The following SORBS2 variants were observed in gnomAD, a reference collection of about 807,000 sequenced individuals.
SORBS2 encodes sorbin and SH3 domain-containing protein 2.
SORBS2 carries 46 observed loss-of-function variants against 97.7 expected under a neutral mutation model. The observed-to-expected ratio is 0.47, with a 90% CI of 0.37 to 0.60. The LOEUF (loss-of-function observed/expected upper bound fraction) is 0.60. Ranked by LOEUF, SORBS2 falls within the 20% of genes least tolerant of loss-of-function variation. The probability of loss-of-function intolerance (pLI) is 0.00; values close to 1 mark genes in which losing one functional copy is unlikely to be tolerated. For synonymous variants in SORBS2, 476 were observed against 473.4 expected (o/e 1.01, Z -0.07); for missense variants, 1,316 against 1,282.3 (o/e 1.03, Z -0.40).
At chr4:185,692,344 G>A (rs544126470) in intron 2 of SORBS2, among the ~76,000 whole-genome samples, 1 of 152,320 alleles carries the variant, frequency 6.6e-6, no homozygotes, top group South Asian at 2.1e-4. Context: ...ATTCCTTTTG[G>A]ATGAATGAGG....
At position 185,628,871 on chromosome 4, in the gene SORBS2, T is replaced by A. The variant is rs1450427027; in HGVS notation, c.446+1678A>T. On this transcript the variant is annotated intron_variant, in intron 5 of 14. Transcript: ENST00000418609. ...GAACAGCAGGGAGTTTCTGTCATGG[T>A]TTTGAGTTTGAGTACAGTATCATTT... 6.6e-5 allele frequency among the ~76,000 whole-genome samples: 10 copies of A among 152,268 alleles called. No homozygotes were observed. In the East Asian group the frequency reaches 1.9e-3, roughly 29 times the overall value.
chr4:185,768,716 A>C (rs200006613), intron 2 of SORBS2, among the ~76,000 whole-genome samples: 3,384 of 144,154 alleles, frequency 0.023, 85 homozygotes, highest in African/African-American at 0.041. Context: ...AAAAAACAAA[A>C]AAACAAAAAA....
chr4:185,624,149 C>T, exon 7 of SORBS2: 1 of 1,614,240 alleles, frequency 6.2e-7, no homozygotes, highest in South Asian at 1.1e-5. Context: ...GTAGGGGGAC[C>T]CCCACGCCAT....
chr4:185,612,883 C>T (rs1013824172), intron 11 of SORBS2, among the ~76,000 whole-genome samples: 1 of 152,180 alleles, frequency 6.6e-6, no homozygotes, highest in Non-Finnish European at 1.5e-5. Context: ...ATAGCTGTGA[C>T]AAGACTGGCA....
At position 185,755,725 on chromosome 4, in the gene SORBS2, T is replaced by C. The variant is rs1288414563; in HGVS notation, c.-198+19502A>G. Among the ~76,000 whole-genome samples, 9 of 152,346 alleles carry C rather than the reference T, an allele frequency of 5.9e-5. No homozygotes were observed. The East Asian group carries it at 1.5e-3, about 26-fold the overall frequency. ...TAAAGGTCTCACTTAGACTCTCTTA[T>C]CACTCAGCATTTAGAACCAGAAGAA... On this transcript the variant is annotated intron_variant, in intron 2 of 20. Coordinates refer to the SORBS2 transcript ENST00000284776.
intron 1 of SORBS2, among the ~76,000 whole-genome samples, chr4:185,935,197 G>A (rs1466543078): frequency 6.6e-6 from 1 of 152,190 alleles, no homozygotes; most frequent in Non-Finnish European, 1.5e-5. Context: ...TTCAATAACT[G>A]AGAAGTTTTT....
intron 2 of SORBS2, among the ~76,000 whole-genome samples, chr4:185,746,638 A>T (rs996000533): frequency 7.2e-5 from 11 of 152,116 alleles, no homozygotes; most frequent in Admixed American, 3.9e-4. Flanking sequence ...AGAGTTTCTT[A>T]GGTGGGAATG....
chr4:185,785,891 A>G (rs1314092650), intron 1 of SORBS2, among the ~76,000 whole-genome samples: 1 of 152,190 alleles, frequency 6.6e-6, no homozygotes, highest in Non-Finnish European at 1.5e-5. Context: ...CAATGGGAAT[A>G]TCGTTCATTA....
At chr4:185,738,322 G>C (rs1478553754) in intron 2 of SORBS2, among the ~76,000 whole-genome samples, 1 of 152,174 alleles carries the variant, frequency 6.6e-6, no homozygotes. Flanking sequence ...GATGACAGGC[G>C]AGGCATTCCA....
chr4:185,636,008 G>A (rs768723374), intron 4 of SORBS2, among the ~76,000 whole-genome samples: 15 of 152,064 alleles, frequency 9.9e-5, no homozygotes, highest in African/African-American at 2.9e-4. Context: ...ACAGGCGTAC[G>A]CCACCATGCC....
In SORBS2 at chr4:185,665,042, T is replaced by C. The variant is rs571624329; in HGVS notation, c.-45-2800A>G. 2.1e-3 allele frequency among the ~76,000 whole-genome samples: 325 copies of C among 152,294 alleles called. 1 individual carries two copies. The highest frequency in any genetic ancestry group is 7.7e-3 in the African/African-American group (320 of 41,554). On this transcript the variant is annotated intron_variant, in intron 4 of 20. Coordinates refer to the SORBS2 transcript ENST00000284776. The stretch of plus-strand genomic sequence containing the variant: ...CACATAGATATATTTAAATAATATA[T>C]GTATGGAAAAGATGTATATATTGCT...
chr4:185,830,768 C>T (rs567963743), intron 1 of SORBS2, among the ~76,000 whole-genome samples: 1 of 152,230 alleles, frequency 6.6e-6, no homozygotes, highest in South Asian at 2.1e-4. Context: ...TATCAAATTG[C>T]CCTGTCTGAA....
chr4:185,670,532 A>T (rs1039707919), intron 4 of SORBS2, among the ~76,000 whole-genome samples: 1 of 152,104 alleles, frequency 6.6e-6, no homozygotes, highest in East Asian at 1.9e-4. Context: ...AATGTCAAGC[A>T]AAGAAATCTG....
intron 1 of SORBS2, among the ~76,000 whole-genome samples, chr4:185,901,370 T>C (rs978536515): frequency 1.3e-5 from 2 of 152,030 alleles, no homozygotes; most frequent in Non-Finnish European, 2.9e-5. Flanking sequence ...GGTCGGCTAA[T>C]TTTTTGTATT....
chr4:185,615,057 G>C (rs2096607276), exon 10 of SORBS2: 3 of 1,613,598 alleles, frequency 1.9e-6, no homozygotes, highest in Non-Finnish European at 2.5e-6. Flanking sequence ...CTACGTATGA[G>C]ATCGGGAAGA....
chr4:185,648,857 C>T (rs939466103), intron 3 of SORBS2, among the ~76,000 whole-genome samples: 1 of 152,110 alleles, frequency 6.6e-6, no homozygotes, highest in Non-Finnish European at 1.5e-5. Flanking sequence ...TAGTGCTTGG[C>T]TTGTAATGAG....
At chr4:185,622,717 C>T (rs1015014292) in intron 7 of SORBS2, among the ~76,000 whole-genome samples, 197 bp downstream of exon 19, 1 of 151,960 alleles carries the variant, frequency 6.6e-6, no homozygotes, top group Non-Finnish European at 1.5e-5. Flanking sequence ...TTAAGCCACA[C>T]ATCAAGTCCA....
chr4:185,950,053 ACCAGC>A (rs1447280710), intron 1 of SORBS2, among the ~76,000 whole-genome samples: 1 of 152,280 alleles, frequency 6.6e-6, no homozygotes, highest in Admixed American at 6.5e-5. Context: ...GGAGTTCGAA[ACCAGC>A]CTGGCCACCA....
intron 1 of SORBS2, among the ~76,000 whole-genome samples, chr4:185,853,934 A>G (rs1298233704): frequency 2.0e-5 from 3 of 152,252 alleles, no homozygotes; most frequent in African/African-American, 7.2e-5. Flanking sequence ...AAGATGTGTT[A>G]TTCACATGTT....
Sources: gnomAD v4.1 joint callset for allele counts (sites outside exome capture counted in the v4.1 genomes callset) on GRCh38, gnomAD v4.1.1 for gene constraint, MANE v1.5 for transcripts, NCBI Gene and HGNC (gene_info 2026-07-23, HGNC 2026-07-21) for gene names.